SDCCAG8: variants seen among roughly 807,000 people sequenced by gnomAD.
SDCCAG8 encodes the protein serologically defined colon cancer antigen 8.
Under a neutral mutation model 101.8 loss-of-function variants are expected in SDCCAG8, and 74 were observed. The ratio of observed to expected loss-of-function variants is 0.73; its 90% CI spans 0.60 to 0.88. SDCCAG8 has a LOEUF of 0.88. Among genes scored for constraint, SDCCAG8 ranks in the 40% least tolerant of loss-of-function variants. SDCCAG8 has a pLI of 0.00. For synonymous variants in SDCCAG8, 281 were observed against 292.9 expected, an observed-to-expected ratio of 0.96 and a Z score of 0.41; for missense variants, 787 against 822.6, an observed-to-expected ratio of 0.96 and a Z score of 0.53.
Position 243,292,992 on chromosome 1 carries a change from T to C in SDCCAG8, c.547-99T>C, listed in dbSNP as rs1434515345. The C allele has an allele frequency of 1.7e-5, 24 of 1,410,534 alleles. 1 individual carries two copies. Among genetic ancestry groups the C allele is most frequent in the Non-Finnish European group, 2.4e-5 (24 of 1,000,252 alleles). The allele number at this position is 1,410,534 out of a possible 1,614,324, so 87.4% of individuals were successfully genotyped here. A position where few individuals can be genotyped will look rare whatever the true frequency, so the allele number is the denominator to read the frequency against. On this transcript the variant is annotated intron_variant, in intron 5 of 17. Coordinates refer to ENST00000366541, the MANE Select transcript of SDCCAG8 (RefSeq NM_006642.5). Reference sequence around the variant, plus strand: ...CCTGTAGTGTAGAAGCATATGCTTTTTCTTTTCATCATAGGTAAGAATAGG... The same window carrying C: ...CCTGTAGTGTAGAAGCATATGCTTTCTCTTTTCATCATAGGTAAGAATAGG...
Position 243,347,977 on chromosome 1 carries a change from C to G in SDCCAG8, c.1473+3646C>G, listed in dbSNP as rs75477722. On this transcript the variant is annotated intron_variant, in intron 12 of 17. Transcript: ENST00000366541. ...AACATTTTCCTTTCTTCTTCAGTCT[C>G]TCTCTCCTTGCCCCTCCTCCCTCAC... Among the ~76,000 whole-genome samples the G allele has an allele frequency of 3.2e-3, 476 of 150,624 alleles. 1 individual carries two copies. The highest frequency in any genetic ancestry group is 0.011 in the African/African-American group (450 of 41,016).
At chr1:243,283,203 CTCTTTG>C (rs2069227169) in intron 4 of SDCCAG8, among the ~76,000 whole-genome samples, 1 of 151,856 alleles carries the variant, frequency 6.6e-6, no homozygotes, top group South Asian at 2.1e-4. Context: ...TAAGATTTTT[CTCTTTG>C]TCTTTGATTT....
At chr1:243,386,787 G>GAGAGAGAGAA (rs905747157) in intron 13 of SDCCAG8, among the ~76,000 whole-genome samples, 1 of 151,858 alleles carries the variant, frequency 6.6e-6, no homozygotes, top group Non-Finnish European at 1.5e-5. Context: ...GAGAGAGAGA[G>GAGAGAGAGAA]AGAAAGAAAG....
intron 2 of SDCCAG8, among the ~76,000 whole-genome samples, chr1:243,270,750 C>A (rs1236700769): frequency 6.6e-6 from 1 of 152,026 alleles, no homozygotes; most frequent in Non-Finnish European, 1.5e-5. Context: ...GGTCTACATA[C>A]AAACTTATTT....
intron 12 of SDCCAG8, among the ~76,000 whole-genome samples, chr1:243,369,856 G>A (rs184228259): frequency 8.4e-4 from 128 of 152,110 alleles, no homozygotes; most frequent in African/African-American, 2.9e-3. Flanking sequence ...CAACAATTAG[G>A]AGATTTATAT....
intron 10 of SDCCAG8, among the ~76,000 whole-genome samples, chr1:243,331,818 C>T (rs2074616108): frequency 1.3e-5 from 2 of 152,158 alleles, no homozygotes; most frequent in Non-Finnish European, 2.9e-5. Flanking sequence ...ACCAGAGGGG[C>T]TGGGAATGTT....
At chr1:243,436,913 T>C (rs764638213) in intron 16 of SDCCAG8, among the ~76,000 whole-genome samples, 9 of 152,172 alleles carry the variant, frequency 5.9e-5, no homozygotes, top group Non-Finnish European at 1.2e-4. Flanking sequence ...AAAGACAGAA[T>C]AGGTAAATTT....
intron 13 of SDCCAG8, among the ~76,000 whole-genome samples, chr1:243,390,811 A>G (rs1202066367): frequency 2.6e-5 from 4 of 152,240 alleles, no homozygotes; most frequent in Admixed American, 2.0e-4. Context: ...AAGCAAAAAC[A>G]TAGAATTGTT....
chr1:243,487,272 C>A (rs556957653), intron 16 of SDCCAG8, among the ~76,000 whole-genome samples: 7 of 152,102 alleles, frequency 4.6e-5, no homozygotes, highest in Non-Finnish European at 7.3e-5. Context: ...CCCGGGCCCC[C>A]CCCTGGGGCC....
At chr1:243,320,625 C>G (rs1165867613) in intron 9 of SDCCAG8, among the ~76,000 whole-genome samples, 2 of 152,162 alleles carry the variant, frequency 1.3e-5, no homozygotes, top group African/African-American at 4.8e-5. Flanking sequence ...GGCTGTGTGA[C>G]CTTGGACGAG....
chr1:243,417,682 A>G (rs746959690), intron 14 of SDCCAG8, among the ~76,000 whole-genome samples: 6 of 152,196 alleles, frequency 3.9e-5, no homozygotes, highest in Non-Finnish European at 8.8e-5. Flanking sequence ...ATAAGCATCT[A>G]TTCTTCCACT....
intron 12 of SDCCAG8, among the ~76,000 whole-genome samples, chr1:243,366,686 A>T (rs911140271): frequency 1.3e-5 from 2 of 152,066 alleles, no homozygotes; most frequent in Admixed American, 6.6e-5. Flanking sequence ...GGAGGAAATG[A>T]TGTACCTTAG....
At chr1:243,328,682 A>C (rs1265361209) in intron 9 of SDCCAG8, among the ~76,000 whole-genome samples, 1 of 152,224 alleles carries the variant, frequency 6.6e-6, no homozygotes, top group East Asian at 1.9e-4. Flanking sequence ...ACCATCCACA[A>C]AACCAAGGCC....
chr1:243,342,493 G>A (rs188211346), intron 11 of SDCCAG8, among the ~76,000 whole-genome samples: 1 of 152,200 alleles, frequency 6.6e-6, no homozygotes, highest in East Asian at 1.9e-4. Context: ...TGAAATGAAG[G>A]GATAAAATAA....
At chr1:243,397,428 A>G (rs1192362132) in intron 13 of SDCCAG8, among the ~76,000 whole-genome samples, 1 of 152,202 alleles carries the variant, frequency 6.6e-6, no homozygotes, top group African/African-American at 2.4e-5. Flanking sequence ...AAGCTCCATT[A>G]TGATAATACT....
At chr1:243,441,022 A>G (rs929390656) in intron 16 of SDCCAG8, among the ~76,000 whole-genome samples, 3 of 152,196 alleles carry the variant, frequency 2.0e-5, no homozygotes, top group Admixed American at 6.5e-5. Flanking sequence ...TTTATTTTGT[A>G]TATGAACATG....
chr1:243,376,609 A>G (rs4658561), intron 12 of SDCCAG8, among the ~76,000 whole-genome samples: 17,840 of 152,100 alleles, frequency 0.12, 1,179 homozygotes, highest in African/African-American at 0.16. Context: ...AATTTTATAC[A>G]TTTTCTATTC....
At chr1:243,268,936 C>G (rs1451029617) in intron 1 of SDCCAG8, among the ~76,000 whole-genome samples, 1 of 149,932 alleles carries the variant, frequency 6.7e-6, no homozygotes, top group Non-Finnish European at 1.5e-5. Flanking sequence ...GAGGGCTTTT[C>G]TCTTTCTTCG....
At chr1:243,475,214 CT>C (rs1188319765) in intron 16 of SDCCAG8, among the ~76,000 whole-genome samples, 2 of 152,216 alleles carry the variant, frequency 1.3e-5, no homozygotes, top group African/African-American at 4.8e-5. Flanking sequence ...CGCCACTAAG[CT>C]TTGCTTCTCC....
Sources: allele counts gnomAD v4.1 joint callset (sites outside exome capture counted in the v4.1 genomes callset), GRCh38; gene constraint gnomAD v4.1.1; transcripts MANE v1.5; gene names NCBI Gene and HGNC (gene_info 2026-07-23, HGNC 2026-07-21).